CYP7B1: variants seen among roughly 807,000 people sequenced by gnomAD.
The protein encoded by CYP7B1 is cytochrome P450 7B1.
A neutral mutation model predicts 42.7 loss-of-function variants in CYP7B1; 29 were observed. The observed-to-expected ratio is 0.68, with a 90% CI of 0.51 to 0.93. The LOEUF is 0.93. CYP7B1 is among the 40% of genes least tolerant of loss of function. CYP7B1 has a pLI of 0.00. For synonymous variants in CYP7B1, 235 were observed against 218.2 expected, an observed-to-expected ratio of 1.08 and a Z score of -0.68; for missense variants, 655 against 600.5, an observed-to-expected ratio of 1.09 and a Z score of -0.95.
chr8:64,789,909 T>C (rs943599471), intron 1 of CYP7B1, among the ~76,000 whole-genome samples: 1 of 152,198 alleles, frequency 6.6e-6, no homozygotes, highest in African/African-American at 2.4e-5. Context: ...TGTCAAAGAC[T>C]GAACTCAGAA....
At chr8:64,643,088 T>TATATATATATACACATATATATAC (rs1805882272) in intron 1 of CYP7B1, among the ~76,000 whole-genome samples, 22 of 109,692 alleles carry the variant, frequency 2.0e-4, no homozygotes, top group Middle Eastern at 8.5e-3. Flanking sequence ...TGTGTGTGTG[T>TATATATATATACACATATATATAC]ATATATATAC....
In CYP7B1 at chr8:64,705,302, G is replaced by T. The variant is rs369694729; in HGVS notation, c.123-80763C>A. ...GGATATTTATCTACAGCCGTGATTA[G>T]AATTTAAGTTGTTTATTGTCTCATA... On this transcript the variant is annotated intron_variant, in intron 1 of 5. Coordinates refer to ENST00000310193, the MANE Select transcript of CYP7B1 (RefSeq NM_004820.5). Among the ~76,000 whole-genome samples, 4 of 151,792 alleles carry T rather than the reference G, an allele frequency of 2.6e-5. No homozygotes were observed. In the South Asian group the frequency reaches 8.3e-4, roughly 32 times the overall value.
At chr8:64,738,076 T>A (rs989816676) in intron 1 of CYP7B1, among the ~76,000 whole-genome samples, 3 of 152,226 alleles carry the variant, frequency 2.0e-5, no homozygotes, top group Non-Finnish European at 4.4e-5. Context: ...TCTAGGTTTA[T>A]TCTGACCTAG....
intron 1 of CYP7B1, among the ~76,000 whole-genome samples, chr8:64,767,552 C>A (rs910384512): frequency 1.3e-5 from 2 of 152,196 alleles, no homozygotes; most frequent in African/African-American, 2.4e-5. Context: ...ATACTTTTGC[C>A]TGCAGCTAAC....
At chr8:64,777,341 T>C (rs1234138496) in intron 1 of CYP7B1, among the ~76,000 whole-genome samples, 1 of 152,108 alleles carries the variant, frequency 6.6e-6, no homozygotes, top group African/African-American at 2.4e-5. Context: ...CGCTATTTAA[T>C]GCAATAGTTT....
At chr8:64,656,837 T>C (rs1178803740) in intron 1 of CYP7B1, among the ~76,000 whole-genome samples, 3 of 152,190 alleles carry the variant, frequency 2.0e-5, no homozygotes, top group African/African-American at 7.2e-5. Flanking sequence ...TGCGATGTGA[T>C]TGGGGAAATC....
chr8:64,784,176 A>C lies in CYP7B1; in HGVS notation c.122+14290T>G, dbSNP rs183523950. On this transcript the variant is annotated intron_variant, in intron 1 of 5. Coordinates refer to ENST00000310193, the MANE Select transcript of CYP7B1 (RefSeq NM_004820.5). The stretch of plus-strand genomic sequence containing the variant: ...TCAAAGGTACTTGCTGGCAGAAATA[A>C]TTTACTGTGATCACAGATTACTTTT... Among the ~76,000 whole-genome samples the C allele has an allele frequency of 4.4e-3, 675 of 152,280 alleles. 3 individuals are homozygous for C. Among genetic ancestry groups the C allele is most frequent in the Non-Finnish European group, 7.3e-3 (495 of 67,994 alleles).
chr8:64,717,234 C>T (rs73689574), intron 1 of CYP7B1, among the ~76,000 whole-genome samples: 12,277 of 151,486 alleles, frequency 0.081, 750 homozygotes, highest in African/African-American at 0.16. Flanking sequence ...ATGTGCACAA[C>T]GTGCAGGTTA....
chr8:64,659,003 G>A (rs1449923725), intron 1 of CYP7B1, among the ~76,000 whole-genome samples: 1 of 152,134 alleles, frequency 6.6e-6, no homozygotes, highest in Non-Finnish European at 1.5e-5. Context: ...TGATGTGATT[G>A]GTCATTGACC....
Position 64,596,937 on chromosome 8 carries a change from G to T in CYP7B1, c.1234-8C>A. 1 of 1,595,938 alleles carries T rather than the reference G, an allele frequency of 6.3e-7. No individual in the cohort carries two copies. The highest frequency in any genetic ancestry group is 1.1e-5 in the South Asian group (1 of 88,732). Reference sequence around the variant, plus strand: ...ACGATCATATCTAAACTCCTGTAAGGAAGAATAGTGTTAAAATTAACATTT... The same window carrying T: ...ACGATCATATCTAAACTCCTGTAAGTAAGAATAGTGTTAAAATTAACATTT... On this transcript the variant is annotated splice_region_variant and splice_polypyrimidine_tract_variant and intron_variant, in intron 5 of 5. Transcript: ENST00000310193.
intron 1 of CYP7B1, among the ~76,000 whole-genome samples, chr8:64,715,242 A>C (rs1807137061): frequency 6.6e-6 from 1 of 152,230 alleles, no homozygotes; most frequent in South Asian, 2.1e-4. Context: ...TAATCTTTTA[A>C]AATATCTGAC....
At chr8:64,673,839 C>T (rs771284670) in intron 1 of CYP7B1, among the ~76,000 whole-genome samples, 1 of 151,926 alleles carries the variant, frequency 6.6e-6, no homozygotes, top group East Asian at 1.9e-4. Flanking sequence ...TAACCATTGC[C>T]GCAGACCTTT....
At chr8:64,651,994 A>T (rs2129631223) in intron 1 of CYP7B1, among the ~76,000 whole-genome samples, 1 of 152,360 alleles carries the variant, frequency 6.6e-6, no homozygotes, top group African/African-American at 2.4e-5. Flanking sequence ...ATTCAAGCTC[A>T]TAACAAAGGG....
At chr8:64,674,299 A>G (rs975233778) in intron 1 of CYP7B1, among the ~76,000 whole-genome samples, 2 of 151,954 alleles carry the variant, frequency 1.3e-5, no homozygotes, top group African/African-American at 4.8e-5. Context: ...TGGTGTTTCC[A>G]TTTTTGAGAA....
intron 1 of CYP7B1, among the ~76,000 whole-genome samples, chr8:64,675,839 C>A (rs1203458511): frequency 1.3e-5 from 2 of 152,130 alleles, no homozygotes; most frequent in African/African-American, 2.4e-5. Flanking sequence ...TTCACAAAAA[C>A]CAACTTTTGT....
chr8:64,731,531 T>A (rs1235164838), intron 1 of CYP7B1, among the ~76,000 whole-genome samples: 1 of 152,200 alleles, frequency 6.6e-6, no homozygotes, highest in Admixed American at 6.5e-5. Context: ...CATAAAAGTT[T>A]GGAAACTCTG....
intron 1 of CYP7B1, among the ~76,000 whole-genome samples, chr8:64,691,674 A>G (rs972811043): frequency 2.0e-5 from 3 of 152,158 alleles, no homozygotes; most frequent in African/African-American, 7.2e-5. Flanking sequence ...AGCCTGAGGA[A>G]CTCACAAGTC....
intron 1 of CYP7B1, among the ~76,000 whole-genome samples, chr8:64,643,154 C>T (rs60563229): frequency 6.6e-5 from 6 of 91,162 alleles, no homozygotes; most frequent in Admixed American, 2.5e-4. Flanking sequence ...TACATATATA[C>T]ATATATACAC....
intron 1 of CYP7B1, among the ~76,000 whole-genome samples, chr8:64,761,059 C>A (rs1452560616): frequency 6.6e-6 from 1 of 152,014 alleles, no homozygotes; most frequent in Non-Finnish European, 1.5e-5. Context: ...ACTTGGAGGA[C>A]ATTATGCTAA....
Sources: gnomAD v4.1 joint callset for allele counts (sites outside exome capture counted in the v4.1 genomes callset) on GRCh38, gnomAD v4.1.1 for gene constraint, MANE v1.5 for transcripts, NCBI Gene and HGNC (gene_info 2026-07-23, HGNC 2026-07-21) for gene names.